KIAA1217: variants seen among roughly 807,000 people sequenced by gnomAD.
KIAA1217 encodes the protein KIAA1217.
In KIAA1217, 88 loss-of-function variants were observed where a neutral mutation model predicts 163.9. That is an observed-to-expected ratio of 0.54 (90% CI 0.45 to 0.64). The LOEUF (loss-of-function observed/expected upper bound fraction) is 0.64. Among genes scored for constraint, KIAA1217 ranks in the 30% least tolerant of loss-of-function variants. The probability of loss-of-function intolerance (pLI) is 0.00; values close to 1 mark genes in which losing one functional copy is unlikely to be tolerated. For missense variants in KIAA1217, 2,372 were observed against 2,475.0 expected (o/e 0.96, Z 0.88); for synonymous variants, 903 against 923.1 (o/e 0.98, Z 0.39).
chr10:23,745,966 C>G (rs1839390303), intron 1 of KIAA1217, among the ~76,000 whole-genome samples: 1 of 152,198 alleles, frequency 6.6e-6, no homozygotes, highest in African/African-American at 2.4e-5. Context: ...ACAAACACCA[C>G]TTTTTGAAGG....
intron 2 of KIAA1217, among the ~76,000 whole-genome samples, chr10:24,224,879 T>C (rs972445227): frequency 2.0e-5 from 3 of 146,368 alleles, no homozygotes; most frequent in Non-Finnish European, 3.0e-5. Flanking sequence ...CAGGCTGGAG[T>C]GCAGTGGCGC....
intron 2 of KIAA1217, among the ~76,000 whole-genome samples, chr10:24,196,680 CTTGGACTTCTCCA>C (rs1404751065): frequency 6.6e-6 from 1 of 152,212 alleles, no homozygotes. Context: ...GTTGCGTCCC[CTTGGACTTCTCCA>C]TTGCACTAAC....
intron 1 of KIAA1217, among the ~76,000 whole-genome samples, chr10:23,750,202 A>G (rs913241795): frequency 6.6e-6 from 1 of 152,158 alleles, no homozygotes; most frequent in African/African-American, 2.4e-5. Context: ...CTAAAATGAA[A>G]ATCTGATCAT....
chr10:24,266,153 A>G (rs373634643), intron 2 of KIAA1217, among the ~76,000 whole-genome samples: 2 of 149,814 alleles, frequency 1.3e-5, no homozygotes, highest in East Asian at 3.9e-4. Flanking sequence ...ATCTTAGCTC[A>G]CTGCAACCTC....
intron 5 of KIAA1217, among the ~76,000 whole-genome samples, chr10:24,466,228 G>C (rs1013523600): frequency 6.6e-6 from 1 of 151,806 alleles, no homozygotes; most frequent in Non-Finnish European, 1.5e-5. Context: ...CTGAAAGTTG[G>C]CTCCTCTGGA....
chr10:24,524,126 C>G (rs1010200800), intron 12 of KIAA1217, among the ~76,000 whole-genome samples, 197 bp from the exon 13 acceptor site: 1 of 152,144 alleles, frequency 6.6e-6, no homozygotes, highest in Admixed American at 6.5e-5. Flanking sequence ...ACCCACCCCC[C>G]AAACAATGAT....
intron 3 of KIAA1217, among the ~76,000 whole-genome samples, chr10:24,409,162 T>C (rs977246325): frequency 2.0e-5 from 3 of 152,178 alleles, no homozygotes; most frequent in African/African-American, 7.2e-5. Flanking sequence ...CCTACAAAGA[T>C]TGGCTCAGAT....
rs898893743 is a variant in KIAA1217, at chr10:24,130,658, G to C, written c.-170-88968G>C. Among the ~76,000 whole-genome samples, 25 of 152,266 alleles carry C rather than the reference G, an allele frequency of 1.6e-4. 1 individual carries two copies. Among genetic ancestry groups the C allele is most frequent in the African/African-American group, 5.3e-4 (22 of 41,544 alleles). On this transcript the variant is annotated intron_variant, in intron 2 of 18. Coordinates refer to the KIAA1217 transcript ENST00000376462. ...CTATCCCAAACAGATGTATTATTCAGCTGCTCATAAAAATCAGAATAATGC... is the reference window on the plus strand; with the variant it reads ...CTATCCCAAACAGATGTATTATTCACCTGCTCATAAAAATCAGAATAATGC...
chr10:24,543,706 A>T lies in KIAA1217; in HGVS notation c.4436A>T (p.Lys1479Met). 1 of 1,613,734 alleles carries T rather than the reference A, an allele frequency of 6.2e-7. No individual in the cohort carries two copies. Among genetic ancestry groups the T allele is most frequent in the Non-Finnish European group, 8.5e-7 (1 of 1,179,710 alleles). Residue 1479 changes from lysine (K) to methionine (M), a missense_variant, in exon 19 of 21, where the codon AAG becomes ATG. Around this residue, in one of 3 missense-constraint regions of KIAA1217, gnomAD observed 690 missense variants for 677.5 expected, o/e 1.02. Transcript: ENST00000376454. ...TTAGAGAGAATGATGATGGAGGAAA[A>T]GATAGAGGAGGAGGAAGAGGAGGAA... ...EELERMMMEE[K>M]IEEEEEEENG...
chr10:23,989,288 A>T (rs1310763155), intron 1 of KIAA1217, among the ~76,000 whole-genome samples: 1 of 152,252 alleles, frequency 6.6e-6, no homozygotes, highest in African/African-American at 2.4e-5. Flanking sequence ...AGAAAAAAGC[A>T]CACAAATGTA....
intron 2 of KIAA1217, among the ~76,000 whole-genome samples, chr10:24,141,591 A>T (rs1589651969): frequency 6.6e-6 from 1 of 152,308 alleles, no homozygotes; most frequent in East Asian, 1.9e-4. Context: ...TTCTGACCCT[A>T]AGCAGCATGC....
intron 5 of KIAA1217, among the ~76,000 whole-genome samples, chr10:24,456,386 G>A (rs1308592382): frequency 6.6e-6 from 1 of 152,128 alleles, no homozygotes; most frequent in East Asian, 1.9e-4. Context: ...CTCACTGAGT[G>A]GGCCCGTGAA....
intron 11 of KIAA1217, among the ~76,000 whole-genome samples, chr10:24,520,677 C>CAA (rs2071076879): frequency 1.5e-5 from 1 of 67,066 alleles, no homozygotes; most frequent in African/African-American, 5.9e-5. Context: ...TATATATATA[C>CAA]ACACACACAC....
intron 3 of KIAA1217, among the ~76,000 whole-genome samples, chr10:24,397,492 G>A (rs1039967783): frequency 6.6e-6 from 1 of 152,146 alleles, no homozygotes; most frequent in African/African-American, 2.4e-5. Flanking sequence ...ACACCAACCA[G>A]CAAAGCCAAG....
At chr10:24,369,130 A>G (rs1289046971) in intron 2 of KIAA1217, among the ~76,000 whole-genome samples, 1 of 151,928 alleles carries the variant, frequency 6.6e-6, no homozygotes, top group Admixed American at 6.5e-5. Context: ...GAGCAGGACT[A>G]GAGGAAAATC....
Position 24,074,736 on chromosome 10 carries a change from C to A in KIAA1217, c.-171+67362C>A, listed in dbSNP as rs576176597. On this transcript the variant is annotated intron_variant, in intron 2 of 18. Transcript: ENST00000376462. ...TTTTTTTTTTTGAGATAGAGTCTTG[C>A]TTTGTCACCCAGATTTGAGTGCAGT... 2.7e-5 allele frequency among the ~76,000 whole-genome samples: 3 copies of A among 111,044 alleles called. No individual in the cohort carries two copies. In the South Asian group the frequency reaches 8.6e-4, roughly 32 times the overall value. The allele number at this position is 111,044 out of a possible 152,430, so 72.8% of individuals were successfully genotyped here.
intron 2 of KIAA1217, among the ~76,000 whole-genome samples, chr10:24,243,555 A>T (rs1205719148): frequency 6.6e-6 from 1 of 151,964 alleles, no homozygotes; most frequent in Non-Finnish European, 1.5e-5. Flanking sequence ...TTCACTTAGG[A>T]TAATGGCCTC....
chr10:23,727,851 T>G (rs908371013), intron 1 of KIAA1217, among the ~76,000 whole-genome samples: 1 of 152,168 alleles, frequency 6.6e-6, no homozygotes, highest in Non-Finnish European at 1.5e-5. Flanking sequence ...TCTGTGTCCA[T>G]GTGTTCTCAT....
At chr10:24,362,387 T>G (rs1261202193) in intron 2 of KIAA1217, among the ~76,000 whole-genome samples, 3 of 152,134 alleles carry the variant, frequency 2.0e-5, no homozygotes, top group African/African-American at 7.2e-5. Context: ...CATTCTCCAC[T>G]GGTAAAATAG....
Sources: allele counts gnomAD v4.1 joint callset (sites outside exome capture counted in the v4.1 genomes callset), GRCh38; gene constraint gnomAD v4.1.1; regional missense constraint gnomAD v4.1.1; transcripts MANE v1.5; gene names NCBI Gene and HGNC (gene_info 2026-07-23, HGNC 2026-07-21).